The following CHCHD6 variants were observed in gnomAD, a reference collection of about 807,000 sequenced individuals.
CHCHD6 encodes the protein coiled-coil-helix-coiled-coil-helix domain containing 6.
In CHCHD6, 28 loss-of-function variants were observed where a neutral mutation model predicts 32.3. The ratio of observed to expected loss-of-function variants is 0.87; its 90% CI spans 0.64 to 1.19. The LOEUF is 1.19. Among genes scored for constraint, CHCHD6 ranks in the 50% most tolerant of loss-of-function variants. The probability of loss-of-function intolerance (pLI) is 0.00; values close to 1 mark genes in which losing one functional copy is unlikely to be tolerated. For missense variants in CHCHD6, 333 were observed against 307.0 expected, an observed-to-expected ratio of 1.08 and a Z score of -0.63; for synonymous variants, 122 against 117.5, an observed-to-expected ratio of 1.04 and a Z score of -0.25.
chr3:126,928,533 TG>T lies in CHCHD6; in HGVS notation c.566+13785del, dbSNP rs139946780. Reference sequence around the variant, plus strand: ...TGGCACTCCATTCATGCCTGCCCCATGGTGGCAGCTCCAAGCTAGAGTAAAG... The same window carrying T: ...TGGCACTCCATTCATGCCTGCCCCATGTGGCAGCTCCAAGCTAGAGTAAAG... On this transcript the variant is annotated intron_variant, in intron 6 of 7. Coordinates refer to ENST00000290913, the MANE Select transcript of CHCHD6 (RefSeq NM_032343.3). Among the ~76,000 whole-genome samples the T allele has an allele frequency of 9.6e-3, 1,460 of 152,270 alleles. 24 individuals carry two copies. Among genetic ancestry groups the T allele is most frequent in the African/African-American group, 0.033 (1,372 of 41,564 alleles).
intron 6 of CHCHD6, among the ~76,000 whole-genome samples, chr3:126,946,678 A>G (rs1280537974): frequency 1.3e-5 from 2 of 152,196 alleles, no homozygotes; most frequent in Non-Finnish European, 2.9e-5. Context: ...GCAGTCAGTT[A>G]ACCAAGTCCT....
At chr3:126,818,588 T>A (rs142634322) in intron 4 of CHCHD6, among the ~76,000 whole-genome samples, 2 of 152,354 alleles carry the variant, frequency 1.3e-5, no homozygotes, top group Non-Finnish European at 2.9e-5. Flanking sequence ...GGCAACATGG[T>A]AGCCTTCACA....
At chr3:126,717,613 A>T (rs1935080564) in intron 1 of CHCHD6, among the ~76,000 whole-genome samples, 1 of 152,220 alleles carries the variant, frequency 6.6e-6, no homozygotes, top group Non-Finnish European at 1.5e-5. Flanking sequence ...AAAAAATAAA[A>T]AAAGAAATCT....
At chr3:126,834,985 A>C (rs986112349) in intron 4 of CHCHD6, among the ~76,000 whole-genome samples, 5 of 152,190 alleles carry the variant, frequency 3.3e-5, no homozygotes, top group Admixed American at 1.3e-4. Context: ...TGCCATGGGC[A>C]GTATTTGTAG....
intron 5 of CHCHD6, among the ~76,000 whole-genome samples, chr3:126,893,795 C>A (rs1171768945): frequency 3.1e-4 from 47 of 152,184 alleles, no homozygotes; most frequent in Non-Finnish European, 1.0e-4. Flanking sequence ...TAGGCCAGCT[C>A]CTAGGCCTGG....
At chr3:126,871,660 A>AC in intron 5 of CHCHD6, among the ~76,000 whole-genome samples, 1 of 128,124 alleles carries the variant, frequency 7.8e-6, no homozygotes, top group African/African-American at 2.9e-5. Flanking sequence ...CGACCCCCCA[A>AC]CTTTTTTTTT....
intron 5 of CHCHD6, among the ~76,000 whole-genome samples, chr3:126,892,180 T>C (rs2107578620): frequency 6.6e-6 from 1 of 152,324 alleles, no homozygotes; most frequent in South Asian, 2.1e-4. Flanking sequence ...ATTATGGCCC[T>C]TTCAGCGCCA....
intron 4 of CHCHD6, among the ~76,000 whole-genome samples, chr3:126,839,610 C>T (rs912763554): frequency 2.0e-5 from 3 of 152,186 alleles, no homozygotes; most frequent in South Asian, 4.2e-4. Context: ...ATCAGTCAGT[C>T]TTCTCCTGTT....
intron 5 of CHCHD6, among the ~76,000 whole-genome samples, chr3:126,894,534 TG>T (rs2107579795): frequency 6.6e-6 from 1 of 152,348 alleles, no homozygotes; most frequent in South Asian, 2.1e-4. Context: ...AGAGGAGTTC[TG>T]TTCCAGACTA....
intron 4 of CHCHD6, among the ~76,000 whole-genome samples, chr3:126,790,721 C>T (rs1214069618): frequency 3.3e-5 from 5 of 152,092 alleles, no homozygotes; most frequent in Admixed American, 1.3e-4. Flanking sequence ...GTTAGCCATT[C>T]GTCTAATCTT....
At chr3:126,807,122 A>G (rs1024495319) in intron 4 of CHCHD6, among the ~76,000 whole-genome samples, 22 of 151,464 alleles carry the variant, frequency 1.5e-4, no homozygotes, top group East Asian at 9.8e-4. Flanking sequence ...TGGGTGCAGC[A>G]CACCAGCATG....
In CHCHD6 at chr3:126,819,744, A is replaced by G. The variant is rs559409008; in HGVS notation, c.412-32903A>G. Among the ~76,000 whole-genome samples the G allele has an allele frequency of 6.6e-5, 10 of 152,368 alleles. No individual in the cohort carries two copies. The East Asian group carries it at 1.2e-3, about 18-fold the overall frequency. ...CATGTCAGCATTTGCTTTTGATGGT[A>G]TGCACACAGCGGGGATTGGACCTAC... is the stretch of plus-strand genomic sequence containing the variant. On this transcript the variant is annotated intron_variant, in intron 4 of 7. Coordinates refer to ENST00000290913, the MANE Select transcript of CHCHD6 (RefSeq NM_032343.3).
intron 5 of CHCHD6, among the ~76,000 whole-genome samples, chr3:126,901,939 G>A (rs979302507): frequency 1.3e-5 from 2 of 152,230 alleles, no homozygotes; most frequent in African/African-American, 4.8e-5. Context: ...TCCTTTGAGG[G>A]AGGGACAGAT....
intron 4 of CHCHD6, among the ~76,000 whole-genome samples, chr3:126,815,662 T>G (rs1463140970): frequency 1.5e-5 from 2 of 135,934 alleles, no homozygotes; most frequent in Non-Finnish European, 3.2e-5. Context: ...CCCCCATCTG[T>G]GTCCACAGCC....
chr3:126,718,797 C>A (rs1025485880), intron 1 of CHCHD6, among the ~76,000 whole-genome samples: 1 of 152,220 alleles, frequency 6.6e-6, no homozygotes, highest in Admixed American at 6.5e-5. Flanking sequence ...CTCCGGAGGC[C>A]TCCCCTCTGG....
chr3:126,899,412 G>C (rs893240816), intron 5 of CHCHD6, among the ~76,000 whole-genome samples: 2 of 152,220 alleles, frequency 1.3e-5, no homozygotes, highest in African/African-American at 2.4e-5. Context: ...ATATTAGGCT[G>C]CCTGGAATCC....
intron 4 of CHCHD6, among the ~76,000 whole-genome samples, chr3:126,789,246 G>T (rs2107684866): frequency 6.6e-6 from 1 of 152,288 alleles, no homozygotes; most frequent in Middle Eastern, 3.4e-3. Flanking sequence ...TTCCAACTAT[G>T]TGGTCAATTT....
chr3:126,848,638 T>A (rs1363616019), intron 4 of CHCHD6, among the ~76,000 whole-genome samples: 1 of 152,206 alleles, frequency 6.6e-6, no homozygotes, highest in Admixed American at 6.5e-5. Context: ...GATGAAGAGA[T>A]CTGTAAGAAA....
Position 126,766,752 on chromosome 3 carries a change from A to C in CHCHD6, c.411+33530A>C, listed in dbSNP as rs1002517503. On this transcript the variant is annotated intron_variant, in intron 4 of 7. Coordinates refer to ENST00000290913, the MANE Select transcript of CHCHD6 (RefSeq NM_032343.3). ...CTGCTTTTGGGTATGTGGTAGATTCACGGGAGGTGTTGGTGGCCCCCTGGA... is the reference window on the plus strand; with the variant it reads ...CTGCTTTTGGGTATGTGGTAGATTCCCGGGAGGTGTTGGTGGCCCCCTGGA... 3.6e-5 allele frequency: 41 copies of C among 1,141,836 alleles called. No homozygotes were observed. The African/African-American group carries it at 6.2e-4, about 17-fold the overall frequency. 70.7% of individuals were successfully genotyped at this position (1,141,836 alleles called of 1,614,324 possible).
Sources: gnomAD v4.1 joint callset for allele counts (sites outside exome capture counted in the v4.1 genomes callset) on GRCh38, gnomAD v4.1.1 for gene constraint, MANE v1.5 for transcripts, NCBI Gene and HGNC (gene_info 2026-07-23, HGNC 2026-07-21) for gene names.